Variants in ANKFN1 observed in about 807,000 individuals in gnomAD.
The protein encoded by ANKFN1 is ankyrin repeat and fibronectin type III domain containing 1.
ANKFN1 carries 74 observed loss-of-function variants against 108.7 expected under a neutral mutation model. The observed-to-expected ratio is 0.68, with a 90% confidence interval of 0.56 to 0.83. The LOEUF (loss-of-function observed/expected upper bound fraction) is 0.83. ANKFN1 is among the 40% of genes least tolerant of loss of function. The pLI is 0.00. For synonymous variants in ANKFN1, 547 were observed against 516.2 expected (o/e 1.06, Z -0.81); for missense variants, 1,505 against 1,382.3 (o/e 1.09, Z -1.41).
At chr17:56,081,924 G>T (rs1002467623) in intron 4 of ANKFN1, among the ~76,000 whole-genome samples, 1 of 152,146 alleles carries the variant, frequency 6.6e-6, no homozygotes, top group Non-Finnish European at 1.5e-5. Context: ...GTGAGCCCAC[G>T]CACCGAACTC....
In ANKFN1 at chr17:56,088,532, C is replaced by T. The variant is rs193208347; in HGVS notation, c.288+42207C>T. On this transcript the variant is annotated intron_variant, in intron 4 of 12. Transcript: ENST00000635860. ...TTTCTAGCTGGTGGCAGTCACCACA[C>T]ATCTCTCTGATATGTCCCTCTTTGC... is the stretch of plus-strand genomic sequence containing the variant. Among the ~76,000 whole-genome samples, 22 of 151,094 alleles carry T rather than the reference C, an allele frequency of 1.5e-4. 1 individual carries two copies. In the East Asian group the frequency reaches 1.5e-3, roughly 11 times the overall value.
At chr17:56,079,501 G>T (rs1905220021) in intron 4 of ANKFN1, among the ~76,000 whole-genome samples, 1 of 152,130 alleles carries the variant, frequency 6.6e-6, no homozygotes, top group Non-Finnish European at 1.5e-5. Context: ...ATCCTCACAA[G>T]CCAGGCACAG....
intron 18 of ANKFN1, among the ~76,000 whole-genome samples, chr17:56,486,570 T>C (rs1000561483): frequency 6.6e-6 from 1 of 152,144 alleles, no homozygotes; most frequent in African/African-American, 2.4e-5. Flanking sequence ...ACACCTTATA[T>C]AGGAACTTCC....
chr17:56,484,391 G>GA (rs745444791), intron 18 of ANKFN1, among the ~76,000 whole-genome samples: 16 of 151,842 alleles, frequency 1.1e-4, no homozygotes, highest in South Asian at 2.1e-4. Flanking sequence ...ACAGATATTT[G>GA]AAAAAAAAGA....
At chr17:56,417,637 G>A (rs2048282127) in intron 8 of ANKFN1, among the ~76,000 whole-genome samples, 1 of 152,164 alleles carries the variant, frequency 6.6e-6, no homozygotes, top group African/African-American at 2.4e-5. Flanking sequence ...ATTTTGTTAT[G>A]GATATTTGCT....
At chr17:56,275,516 T>G (rs2043904664) in intron 3 of ANKFN1, among the ~76,000 whole-genome samples, 1 of 151,980 alleles carries the variant, frequency 6.6e-6, no homozygotes, top group Non-Finnish European at 1.5e-5. Context: ...AAAATAAGAT[T>G]TAGTTGAAAG....
intron 14 of ANKFN1, among the ~76,000 whole-genome samples, chr17:56,465,004 C>A (rs535865771): frequency 6.6e-6 from 1 of 152,306 alleles, no homozygotes; most frequent in African/African-American, 2.4e-5. Context: ...AGCCTGTTGT[C>A]AAACTCTGGG....
chr17:56,383,944 T>C (rs1332601814), intron 8 of ANKFN1, among the ~76,000 whole-genome samples: 2 of 152,002 alleles, frequency 1.3e-5, no homozygotes, highest in African/African-American at 2.4e-5. Flanking sequence ...TTCCAATCAA[T>C]AGAAAAAGAG....
intron 4 of ANKFN1, among the ~76,000 whole-genome samples, chr17:56,125,197 G>A (rs1906851235): frequency 6.6e-6 from 1 of 152,166 alleles, no homozygotes; most frequent in African/African-American, 2.4e-5. Context: ...TTCACTATGG[G>A]CAGCCTGAGC....
chr17:56,316,838 G>A (rs777477739), intron 3 of ANKFN1, among the ~76,000 whole-genome samples: 1 of 152,120 alleles, frequency 6.6e-6, no homozygotes, highest in Non-Finnish European at 1.5e-5. Context: ...TATACTGTAA[G>A]CATTTAAAAA....
chr17:56,291,143 CA>C (rs989347610), intron 3 of ANKFN1, among the ~76,000 whole-genome samples: 2 of 152,160 alleles, frequency 1.3e-5, no homozygotes, highest in African/African-American at 4.8e-5. Context: ...TGGAAGCTGT[CA>C]GTAATTTCTG....
intron 8 of ANKFN1, among the ~76,000 whole-genome samples, chr17:56,378,320 A>C (rs988695824): frequency 6.6e-6 from 1 of 152,154 alleles, no homozygotes; most frequent in African/African-American, 2.4e-5. Flanking sequence ...TTATAATAAT[A>C]ATAGTGTGAA....
At chr17:56,495,881 A>G (rs574634417) in intron 19 of ANKFN1, among the ~76,000 whole-genome samples, 1 of 152,298 alleles carries the variant, frequency 6.6e-6, no homozygotes, top group African/African-American at 2.4e-5. Context: ...ATCTTGCCTG[A>G]GTAAAGAGAA....
chr17:56,319,922 A>G (rs1189912813), intron 3 of ANKFN1, among the ~76,000 whole-genome samples: 1 of 152,120 alleles, frequency 6.6e-6, no homozygotes, highest in African/African-American at 2.4e-5. Context: ...ATTTCTTATT[A>G]TATTATTATA....
rs191290470 is a variant in ANKFN1 at position 56,515,861 on chromosome 17, T to C, written c.*4592T>C. ...GTAAAACAGTTATTCAAAAGGATGG[T>C]TGGCTTTGTTTAACAATTGGATAGG... is the stretch of plus-strand genomic sequence containing the variant. On this transcript the variant is annotated 3_prime_UTR_variant, in exon 21 of 21. Coordinates refer to ENST00000682825, the MANE Select transcript of ANKFN1 (RefSeq NM_001370326.1). Among the ~76,000 whole-genome samples the C allele has an allele frequency of 5.3e-4, 80 of 152,318 alleles. 1 individual carries two copies. Among genetic ancestry groups the C allele is most frequent in the Admixed American group, 4.7e-3 (72 of 15,296 alleles).
intron 8 of ANKFN1, among the ~76,000 whole-genome samples, chr17:56,412,109 C>G (rs141612333): frequency 6.6e-6 from 1 of 152,284 alleles, no homozygotes; most frequent in African/African-American, 2.4e-5. Context: ...CCATCAGATT[C>G]AAGGATTTTC....
intron 4 of ANKFN1, among the ~76,000 whole-genome samples, chr17:56,103,137 C>G (rs2143226621): frequency 6.6e-6 from 1 of 152,250 alleles, no homozygotes; most frequent in African/African-American, 2.4e-5. Flanking sequence ...ACTGCAGTCG[C>G]CTTTGAAAAG....
chr17:56,148,377 G>C lies in ANKFN1; in HGVS notation c.289-79540G>C, dbSNP rs147744980. On this transcript the variant is annotated intron_variant, in intron 4 of 12. Coordinates refer to the ANKFN1 transcript ENST00000635860. The stretch of plus-strand genomic sequence containing the variant: ...CAGGAAAGAGGCTAAGGCTTGGAGA[G>C]ATTGAATACCCTGCTTGCAGTCCCA... Among the ~76,000 whole-genome samples, 314 of 152,336 alleles carry C rather than the reference G, an allele frequency of 2.1e-3. 2 individuals are homozygous for C. The highest frequency in any genetic ancestry group is 7.1e-3 in the African/African-American group (294 of 41,576).
intron 4 of ANKFN1, among the ~76,000 whole-genome samples, chr17:56,104,786 G>C (rs1905711833): frequency 1.3e-5 from 2 of 152,222 alleles, no homozygotes; most frequent in South Asian, 4.1e-4. Flanking sequence ...AGAGGTGACA[G>C]AAGGGAGGCA....
Sources: allele counts gnomAD v4.1 joint callset (sites outside exome capture counted in the v4.1 genomes callset), GRCh38; gene constraint gnomAD v4.1.1; transcripts MANE v1.5; gene names NCBI Gene and HGNC (gene_info 2026-07-23, HGNC 2026-07-21).